Variants in RANBP17 observed in about 807,000 individuals in gnomAD.
RANBP17 encodes the protein RAN binding protein 17.
A neutral mutation model predicts 141.2 loss-of-function variants in RANBP17; 158 were observed. The observed-to-expected ratio is 1.12, with a 90% CI of 0.98 to 1.28. The LOEUF is 1.28. Among genes scored for constraint, RANBP17 ranks in the 50% most tolerant of loss-of-function variants. The pLI is 0.00. For synonymous variants in RANBP17, 430 were observed against 450.0 expected (o/e 0.96, Z 0.56); for missense variants, 1,438 against 1,290.7 (o/e 1.11, Z -1.75).
At chr5:171,126,816 C>T (rs1216978332) in intron 14 of RANBP17, among the ~76,000 whole-genome samples, 2 of 152,100 alleles carry the variant, frequency 1.3e-5, no homozygotes, top group Non-Finnish European at 2.9e-5. Flanking sequence ...AGTAACAAGA[C>T]TGAATCAGTA....
At chr5:170,924,317 A>G in intron 11 of RANBP17, 40 bp from the exon 12 acceptor site, 1 of 1,340,384 alleles carries the variant, frequency 7.5e-7, no homozygotes, top group Non-Finnish European at 1.0e-6. Context: ...AAAGTGCTTC[A>G]CATTCTAATG....
intron 14 of RANBP17, among the ~76,000 whole-genome samples, chr5:171,052,912 G>T (rs1263380487): frequency 6.6e-6 from 1 of 151,132 alleles, no homozygotes; most frequent in Non-Finnish European, 1.5e-5. Flanking sequence ...GGGTACAATG[G>T]CACGATCTCA....
chr5:171,292,828 C>T (rs1244680131), intron 25 of RANBP17, among the ~76,000 whole-genome samples: 4 of 152,154 alleles, frequency 2.6e-5, no homozygotes, highest in African/African-American at 9.7e-5. Context: ...TCTACATGTC[C>T]CCAAAGAGAT....
intron 19 of RANBP17, among the ~76,000 whole-genome samples, 197 bp downstream of exon 19, chr5:171,199,970 G>T (rs1035581267): frequency 1.3e-5 from 2 of 152,126 alleles, no homozygotes; most frequent in African/African-American, 4.8e-5. Flanking sequence ...TCAGCAAATA[G>T]TTTTGGACAG....
intron 14 of RANBP17, among the ~76,000 whole-genome samples, chr5:171,040,051 T>C (rs4868061): frequency 0.61 from 93,201 of 151,776 alleles, 29,905 homozygotes; most frequent in South Asian, 0.88. Context: ...GGTACCAAAA[T>C]CTGGCAAGGA....
chr5:170,974,724 G>C (rs1036445372), intron 14 of RANBP17, among the ~76,000 whole-genome samples: 1 of 152,162 alleles, frequency 6.6e-6, no homozygotes, highest in Non-Finnish European at 1.5e-5. Flanking sequence ...TTGCAAGCTG[G>C]AGGAAGTGGT....
Position 171,296,004 on chromosome 5 carries a change from A to G in RANBP17, c.3160A>G (p.Asn1054Asp). The G allele has an allele frequency of 6.2e-7, 1 of 1,613,486 alleles. No individual in the cohort carries two copies. Among genetic ancestry groups the G allele is most frequent in the Admixed American group, 1.7e-5 (1 of 59,992 alleles). The change falls in exon 27 of 28, where the codon AAC (asparagine) becomes GAC (aspartate). Residue 1054 changes from asparagine to aspartate, a missense_variant. Coordinates refer to ENST00000523189, the MANE Select transcript of RANBP17 (RefSeq NM_022897.5). ...AGTGGAGCAGAACCTGTCCGTCAAGAACAGAGACAGGTGAGCATTGCCCAG... is the reference window on the plus strand; with the variant it reads ...AGTGGAGCAGAACCTGTCCGTCAAGGACAGAGACAGGTGAGCATTGCCCAG... ...EGVEQNLSVK[N>D]RDRFTQNLSV... is the part of the protein sequence containing the mutation.
At chr5:171,142,878 C>G (rs1046893119) in intron 14 of RANBP17, among the ~76,000 whole-genome samples, 2 of 152,114 alleles carry the variant, frequency 1.3e-5, no homozygotes, top group African/African-American at 4.8e-5. Flanking sequence ...GTGTTTCAGA[C>G]CTTGAGCTCT....
chr5:170,913,594 A>C (rs1187014335), intron 7 of RANBP17, among the ~76,000 whole-genome samples: 2 of 152,070 alleles, frequency 1.3e-5, no homozygotes, highest in African/African-American at 4.8e-5. Context: ...ACAAATTGTG[A>C]TAATAGTGGA....
Position 170,919,454 on chromosome 5 carries a change from C to A in RANBP17, c.1115C>A (p.Ala372Asp). ...TITSLQHWEF[A>D]PNSVHYLLTL... ...ATTTCTTTGTAGCACTGGGAATTTG[C>A]TCCTAACAGTGTTCATTATTTATTA... The change falls in exon 11 of 28, where the codon GCT becomes GAT. Residue 372 changes from alanine to aspartate, a missense_variant. Coordinates refer to ENST00000523189, the MANE Select transcript of RANBP17 (RefSeq NM_022897.5). 1 of 1,584,848 alleles carries A rather than the reference C, an allele frequency of 6.3e-7. No individual in the cohort carries two copies. Among genetic ancestry groups the A allele is most frequent in the South Asian group, 1.2e-5 (1 of 85,082 alleles).
chr5:171,077,900 C>T (rs965758950), intron 14 of RANBP17, among the ~76,000 whole-genome samples: 1 of 152,140 alleles, frequency 6.6e-6, no homozygotes, highest in Non-Finnish European at 1.5e-5. Context: ...AAAATCCTAA[C>T]TCTATTCACT....
chr5:170,893,673 G>T (rs1431122126), intron 4 of RANBP17, among the ~76,000 whole-genome samples: 1 of 151,878 alleles, frequency 6.6e-6, no homozygotes, highest in African/African-American at 2.4e-5. Flanking sequence ...GGCGCCTGTA[G>T]TCCCAGCTAC....
chr5:171,243,481 A>T (rs867173598), intron 24 of RANBP17, among the ~76,000 whole-genome samples: 1 of 152,240 alleles, frequency 6.6e-6, no homozygotes, highest in Admixed American at 6.5e-5. Context: ...TATTATGAAC[A>T]TTCCTATACA....
intron 14 of RANBP17, among the ~76,000 whole-genome samples, chr5:171,166,443 T>G (rs1759704339): frequency 6.6e-6 from 1 of 152,126 alleles, no homozygotes; most frequent in Non-Finnish European, 1.5e-5. Context: ...TTTTTTCCTT[T>G]TCTTGCATTC....
At chr5:171,153,801 G>A (rs1014186906) in intron 14 of RANBP17, among the ~76,000 whole-genome samples, 7 of 152,108 alleles carry the variant, frequency 4.6e-5, no homozygotes, top group Admixed American at 2.6e-4. Context: ...TAATCTTCAG[G>A]CGGATCACCT....
intron 13 of RANBP17, among the ~76,000 whole-genome samples, chr5:170,965,810 T>A (rs13166371): frequency 0.57 from 86,617 of 151,804 alleles, 26,963 homozygotes; most frequent in South Asian, 0.81. Context: ...AGCCTTGTAG[T>A]ATAGTTTGAA....
chr5:171,128,636 C>G (rs1396325595), intron 14 of RANBP17, among the ~76,000 whole-genome samples: 1 of 152,074 alleles, frequency 6.6e-6, no homozygotes, highest in Non-Finnish European at 1.5e-5. Flanking sequence ...TCATATATTT[C>G]AAGATAGCTA....
intron 14 of RANBP17, among the ~76,000 whole-genome samples, chr5:170,970,227 T>C (rs777243764): frequency 5.9e-5 from 9 of 151,882 alleles, no homozygotes; most frequent in Non-Finnish European, 8.8e-5. Context: ...GGAACATATT[T>C]CTTGGTGGGT....
At chr5:171,134,819 G>A (rs1307039949) in intron 14 of RANBP17, among the ~76,000 whole-genome samples, 1 of 152,114 alleles carries the variant, frequency 6.6e-6, no homozygotes, top group East Asian at 1.9e-4. Context: ...CTACAGGGGA[G>A]GCTGAGGCTG....
Sources: allele counts gnomAD v4.1 joint callset (sites outside exome capture counted in the v4.1 genomes callset), GRCh38; gene constraint gnomAD v4.1.1; transcripts MANE v1.5; gene names NCBI Gene and HGNC (gene_info 2026-07-23, HGNC 2026-07-21).